Variants in ADGRV1 observed in about 807,000 individuals in gnomAD.
ADGRV1 encodes adhesion G protein-coupled receptor V1, also known as G-protein coupled receptor 98.
Under a neutral mutation model 596.2 loss-of-function variants are expected in ADGRV1, and 359 were observed. That is an observed-to-expected ratio of 0.60 (90% CI 0.55 to 0.66). ADGRV1 has a LOEUF of 0.66. ADGRV1 is among the 30% of genes least tolerant of loss of function. ADGRV1 has a pLI of 0.00. For synonymous variants in ADGRV1, 2,681 were observed against 2,679.2 expected (o/e 1.00, Z -0.02); for missense variants, 7,274 against 7,575.6 (o/e 0.96, Z 1.48).
At chr5:91,016,951 A>G (rs1014275829) in intron 85 of ADGRV1, among the ~76,000 whole-genome samples, 1 of 151,926 alleles carries the variant, frequency 6.6e-6, no homozygotes. Context: ...TCTAGACTGT[A>G]ATATGATTGG....
At chr5:91,040,393 G>A (rs1259258013) in intron 85 of ADGRV1, among the ~76,000 whole-genome samples, 2 of 152,244 alleles carry the variant, frequency 1.3e-5, no homozygotes, top group East Asian at 1.9e-4. Flanking sequence ...CCAGTTAGAC[G>A]ACTATATGCT....
chr5:91,081,089 G>C (rs769041148), intron 86 of ADGRV1, among the ~76,000 whole-genome samples: 2 of 152,086 alleles, frequency 1.3e-5, no homozygotes, highest in Non-Finnish European at 2.9e-5. Flanking sequence ...AGATCAAGGC[G>C]TCAGCTGATT....
intron 59 of ADGRV1, among the ~76,000 whole-genome samples, chr5:90,765,748 A>G (rs1757046657): frequency 6.6e-6 from 1 of 151,874 alleles, no homozygotes; most frequent in South Asian, 2.1e-4. Context: ...TCTGTCACCC[A>G]GGCAGTAATG....
intron 29 of ADGRV1, among the ~76,000 whole-genome samples, chr5:90,688,082 C>T (rs569683156): frequency 0.01 from 1,558 of 152,112 alleles, 30 homozygotes; most frequent in African/African-American, 0.036. Flanking sequence ...GAGCCCGCAT[C>T]GCCGAGTCAA....
intron 75 of ADGRV1, among the ~76,000 whole-genome samples, chr5:90,816,400 T>C (rs186814843): frequency 6.6e-6 from 1 of 150,998 alleles, no homozygotes; most frequent in Admixed American, 6.6e-5. Flanking sequence ...TATTATAATT[T>C]AAGATTTTTT....
intron 5 of ADGRV1, among the ~76,000 whole-genome samples, chr5:90,623,733 G>A (rs1488410753): frequency 6.6e-6 from 1 of 151,914 alleles, no homozygotes; most frequent in East Asian, 1.9e-4. Context: ...ATTTTTTTCA[G>A]TACACCAAAT....
At chr5:90,849,458 C>T (rs368224976) in intron 79 of ADGRV1, among the ~76,000 whole-genome samples, 50 of 152,158 alleles carry the variant, frequency 3.3e-4, no homozygotes, top group Admixed American at 2.0e-3. Context: ...GGCGGGGTCT[C>T]GGCTCACTTC....
chr5:90,778,358 T>A (rs967999800), intron 62 of ADGRV1, 69 bp from the exon 63 acceptor site: 5 of 1,317,088 alleles, frequency 3.8e-6, no homozygotes, highest in Non-Finnish European at 5.3e-6. Context: ...GTTGTTATTA[T>A]TTAGAGGTTA....
At position 90,676,082 on chromosome 5, in the gene ADGRV1, T is replaced by A; in HGVS notation, c.5316T>A (p.Asn1772Lys). 2 of 1,594,612 alleles carry A rather than the reference T, an allele frequency of 1.3e-6. No homozygotes were observed. The highest frequency in any genetic ancestry group is 1.7e-6 in the Non-Finnish European group (2 of 1,167,884). ...LTAFSPEDYQ[N>K]VAGTLEFQPG... Reference sequence around the variant, plus strand: ...TGGATCAGTCTTTTATATTTCAGAATGTTGCTGGCACATTAGAATTTCAAC... The same window carrying A: ...TGGATCAGTCTTTTATATTTCAGAAAGTTGCTGGCACATTAGAATTTCAAC... Residue 1772 changes from asparagine (N) to lysine (K), a missense_variant and splice_region_variant, in exon 25 of 90, where the codon AAT (asparagine) becomes AAA (lysine). Transcript: ENST00000405460.
chr5:90,647,931 G>GT (rs749358982), intron 17 of ADGRV1, among the ~76,000 whole-genome samples, 167 bp downstream of exon 17: 3 of 134,656 alleles, frequency 2.2e-5, no homozygotes, highest in Non-Finnish European at 4.7e-5. Flanking sequence ...AAGAATGTAT[G>GT]TGTTGAACCT....
intron 78 of ADGRV1, among the ~76,000 whole-genome samples, chr5:90,841,227 A>G (rs956875934): frequency 1.3e-5 from 2 of 152,030 alleles, no homozygotes; most frequent in African/African-American, 4.8e-5. Context: ...AGTAGTAAAG[A>G]CAGCCTAGTG....
intron 21 of ADGRV1, among the ~76,000 whole-genome samples, chr5:90,670,585 C>T (rs1772316198): frequency 6.6e-6 from 1 of 152,072 alleles, no homozygotes; most frequent in East Asian, 1.9e-4. Context: ...GGCTCTGTTG[C>T]ATATCGGCCA....
At chr5:90,677,493 A>G (rs577270205) in intron 25 of ADGRV1, among the ~76,000 whole-genome samples, 76 of 152,328 alleles carry the variant, frequency 5.0e-4, no homozygotes, top group African/African-American at 1.5e-3. Flanking sequence ...TAAAAAGGTT[A>G]CTATAAAATA....
intron 87 of ADGRV1, among the ~76,000 whole-genome samples, chr5:91,149,040 C>T (rs1036118427): frequency 6.6e-6 from 1 of 152,304 alleles, no homozygotes; most frequent in South Asian, 2.1e-4. Flanking sequence ...CCCATCATAT[C>T]TAGGAAGCAA....
intron 87 of ADGRV1, among the ~76,000 whole-genome samples, chr5:91,106,201 G>C (rs1048000811): frequency 6.6e-6 from 1 of 151,924 alleles, no homozygotes; most frequent in Non-Finnish European, 1.5e-5. Flanking sequence ...GTTTCCTAGC[G>C]ACCTTTATTG....
intron 84 of ADGRV1, among the ~76,000 whole-genome samples, chr5:90,972,616 G>A (rs554210129): frequency 5.9e-5 from 9 of 152,234 alleles, no homozygotes; most frequent in East Asian, 1.9e-4. Flanking sequence ...GGTAAATAAC[G>A]AAGTGAAGGC....
At chr5:90,791,413 C>T (rs1371620534) in intron 70 of ADGRV1, 67 bp downstream of exon 70, 3 of 1,158,528 alleles carry the variant, frequency 2.6e-6, no homozygotes, top group Non-Finnish European at 2.4e-6. Flanking sequence ...CCATGCTTAC[C>T]TCATAATCAG....
intron 83 of ADGRV1, among the ~76,000 whole-genome samples, chr5:90,883,741 A>G (rs1304347859): frequency 2.6e-5 from 4 of 152,272 alleles, no homozygotes; most frequent in Non-Finnish European, 5.9e-5. Flanking sequence ...TAGCTAGCAG[A>G]TATGTCCATG....
At chr5:90,708,489 G>C (rs1302406464) in intron 38 of ADGRV1, among the ~76,000 whole-genome samples, 10 of 150,606 alleles carry the variant, frequency 6.6e-5, no homozygotes, top group Admixed American at 6.6e-4. Context: ...TAGATATTAA[G>C]GTAATTTCAA....
Sources: gnomAD v4.1 joint callset for allele counts (sites outside exome capture counted in the v4.1 genomes callset) on GRCh38, gnomAD v4.1.1 for gene constraint, MANE v1.5 for transcripts, NCBI Gene and HGNC (gene_info 2026-07-23, HGNC 2026-07-21) for gene names.